SEZ6L: variants seen among roughly 807,000 people sequenced by gnomAD.
SEZ6L encodes seizure 6-like protein.
In SEZ6L, 37 loss-of-function variants were observed where a neutral mutation model predicts 106.2. The ratio of observed to expected loss-of-function variants is 0.35; its 90% confidence interval spans 0.27 to 0.46. The LOEUF (loss-of-function observed/expected upper bound fraction) is 0.46, where lower values mean the gene tolerates loss of function less well. SEZ6L is among the 20% of genes least tolerant of loss of function. SEZ6L has a pLI of 1.00. For missense variants in SEZ6L, 1,172 were observed against 1,332.8 expected (o/e 0.88, Z 1.88); for synonymous variants, 541 against 570.4 (o/e 0.95, Z 0.73).
At position 26,242,591 on chromosome 22, in the gene SEZ6L, C is replaced by T. The variant is rs114854442; in HGVS notation, c.95-49815C>T. Among the ~76,000 whole-genome samples the T allele has an allele frequency of 7.5e-3, 1,141 of 152,216 alleles. 18 individuals are homozygous for T. The highest frequency in any genetic ancestry group is 0.025 in the African/African-American group (1,046 of 41,530). On this transcript the variant is annotated intron_variant, in intron 1 of 16. Coordinates refer to ENST00000248933, the MANE Select transcript of SEZ6L (RefSeq NM_021115.5). ...GAGAGAGAAAAAAGAAAAATAAAAG[C>T]AATGTAAAAAAGAACAATTATTATT...
At chr22:26,291,065 G>A (rs555079008) in intron 1 of SEZ6L, among the ~76,000 whole-genome samples, 7 of 152,310 alleles carry the variant, frequency 4.6e-5, no homozygotes, top group African/African-American at 1.7e-4. Context: ...ATTTGACTCA[G>A]CAATCCCATT....
chr22:26,263,777 C>A (rs1229987003), intron 1 of SEZ6L, among the ~76,000 whole-genome samples: 1 of 152,190 alleles, frequency 6.6e-6, no homozygotes, highest in Middle Eastern at 3.2e-3. Context: ...GCCTGGGCAT[C>A]CTCCTTGATC....
chr22:26,364,846 T>G (rs1250377583), intron 12 of SEZ6L: 1 of 153,670 alleles, frequency 6.5e-6, no homozygotes, highest in Non-Finnish European at 1.4e-5. Context: ...AAATGAAGAT[T>G]GAGTATTGAA....
At chr22:26,207,002 A>G (rs563338209) in intron 1 of SEZ6L, among the ~76,000 whole-genome samples, 4 of 152,182 alleles carry the variant, frequency 2.6e-5, no homozygotes, top group Admixed American at 1.3e-4. Context: ...GACAACGCTT[A>G]TTTTCTTCTT....
At chr22:26,185,779 C>A (rs916108291) in intron 1 of SEZ6L, among the ~76,000 whole-genome samples, 2 of 152,102 alleles carry the variant, frequency 1.3e-5, no homozygotes, top group Admixed American at 1.3e-4. Flanking sequence ...CATTTTACAG[C>A]AGGAACCACT....
chr22:26,288,068 C>T (rs1245319986), intron 1 of SEZ6L, among the ~76,000 whole-genome samples: 1 of 152,198 alleles, frequency 6.6e-6, no homozygotes, highest in East Asian at 1.9e-4. Context: ...GTTGGGGAAT[C>T]TGTTTTCTTG....
At chr22:26,209,694 G>A (rs1385128043) in intron 1 of SEZ6L, among the ~76,000 whole-genome samples, 1 of 149,056 alleles carries the variant, frequency 6.7e-6, no homozygotes, top group Non-Finnish European at 1.5e-5. Flanking sequence ...AGGAAGGGAA[G>A]GAAAAAAGAA....
chr22:26,298,036 A>G (rs1008204318), intron 4 of SEZ6L, among the ~76,000 whole-genome samples: 6 of 152,166 alleles, frequency 3.9e-5, no homozygotes, highest in African/African-American at 1.4e-4. Flanking sequence ...TGTTATATCA[A>G]ATTGTCCAGA....
intron 1 of SEZ6L, among the ~76,000 whole-genome samples, chr22:26,259,713 G>C (rs893552341): frequency 1.3e-5 from 2 of 152,176 alleles, no homozygotes; most frequent in African/African-American, 4.8e-5. Context: ...CACCCATGCG[G>C]GGTGCTGTCC....
At chr22:26,378,118 G>T (rs1232401852) in intron 16 of SEZ6L, among the ~76,000 whole-genome samples, 1 of 152,042 alleles carries the variant, frequency 6.6e-6, no homozygotes, top group Non-Finnish European at 1.5e-5. Flanking sequence ...TTATTCAATG[G>T]CAGTGTGAAA....
At chr22:26,297,990 C>T (rs767896116) in intron 4 of SEZ6L, among the ~76,000 whole-genome samples, 1 of 152,048 alleles carries the variant, frequency 6.6e-6, no homozygotes, top group Non-Finnish European at 1.5e-5. Flanking sequence ...AAAGTGGATT[C>T]GTGAACCATG....
intron 9 of SEZ6L, among the ~76,000 whole-genome samples, chr22:26,332,923 T>A: frequency 6.6e-6 from 1 of 152,248 alleles, no homozygotes; most frequent in East Asian, 1.9e-4. Flanking sequence ...CCTTCCTGGT[T>A]GAGCCTCAGT....
chr22:26,186,886 G>C (rs1359637110), intron 1 of SEZ6L, among the ~76,000 whole-genome samples: 1 of 152,136 alleles, frequency 6.6e-6, no homozygotes, highest in Non-Finnish European at 1.5e-5. Flanking sequence ...AGGAGCACGG[G>C]AGGGGATTTT....
intron 1 of SEZ6L, among the ~76,000 whole-genome samples, chr22:26,257,321 G>C (rs1167569974): frequency 6.6e-6 from 1 of 152,138 alleles, no homozygotes; most frequent in Non-Finnish European, 1.5e-5. Flanking sequence ...TAAGCTTATA[G>C]ATGATGGATC....
intron 1 of SEZ6L, among the ~76,000 whole-genome samples, chr22:26,267,286 G>A (rs905560422): frequency 3.3e-5 from 5 of 152,170 alleles, no homozygotes; most frequent in Admixed American, 6.5e-5. Context: ...TACCAAGCTT[G>A]GCTGTCACTG....
chr22:26,353,333 T>C (rs917551025), intron 12 of SEZ6L, among the ~76,000 whole-genome samples: 4 of 152,220 alleles, frequency 2.6e-5, no homozygotes, highest in African/African-American at 9.6e-5. Flanking sequence ...TGTATGTGTG[T>C]GTATATATAG....
intron 1 of SEZ6L, among the ~76,000 whole-genome samples, chr22:26,227,031 T>C (rs1490646693): frequency 6.6e-6 from 1 of 152,178 alleles, no homozygotes; most frequent in East Asian, 1.9e-4. Context: ...GGTTTCCTGT[T>C]ACTAGAAGCT....
chr22:26,318,195 T>A (rs1486755642), intron 9 of SEZ6L, among the ~76,000 whole-genome samples: 1 of 152,064 alleles, frequency 6.6e-6, no homozygotes, highest in Non-Finnish European at 1.5e-5. Context: ...TGCCTCAGCC[T>A]CATGAGTAGT....
intron 12 of SEZ6L, among the ~76,000 whole-genome samples, chr22:26,353,260 C>A (rs2083334974): frequency 6.6e-6 from 1 of 152,158 alleles, no homozygotes; most frequent in African/African-American, 2.4e-5. Flanking sequence ...ACAATAGTTA[C>A]TTATTGAATG....
Sources: allele counts gnomAD v4.1 joint callset (sites outside exome capture counted in the v4.1 genomes callset), GRCh38; gene constraint gnomAD v4.1.1; transcripts MANE v1.5; gene names NCBI Gene and HGNC (gene_info 2026-07-23, HGNC 2026-07-21).